RARB: variants seen among roughly 807,000 people sequenced by gnomAD.
The protein encoded by RARB is retinoic acid receptor beta.
In RARB, 17 loss-of-function variants were observed where a neutral mutation model predicts 51.9. The observed-to-expected ratio is 0.33, with a 90% confidence interval of 0.22 to 0.49. RARB has a LOEUF of 0.49. Among genes scored for constraint, RARB ranks in the 20% least tolerant of loss-of-function variants. The pLI, the probability that RARB is intolerant of heterozygous loss-of-function variation, is 0.99. For synonymous variants in RARB, 215 were observed against 195.4 expected (o/e 1.10, Z -0.84); for missense variants, 369 against 550.8 (o/e 0.67, Z 3.30).
intron 2 of RARB, among the ~76,000 whole-genome samples, chr3:24,877,346 C>CTTTTTTTTTTT (rs66976672): frequency 0.02 from 1,637 of 81,672 alleles, 264 homozygotes; most frequent in African/African-American, 0.051. Context: ...AGCAATCTTA[C>CTTTTTTTTTTT]TTTTTTTTTT....
At chr3:24,873,222 A>G (rs1468244580) in intron 2 of RARB, among the ~76,000 whole-genome samples, 1 of 152,226 alleles carries the variant, frequency 6.6e-6, no homozygotes, top group Non-Finnish European at 1.5e-5. Flanking sequence ...TCTTATGTCA[A>G]TGAATAGCTT....
chr3:25,582,943 G>A (rs1276098320), intron 5 of RARB, among the ~76,000 whole-genome samples: 1 of 152,200 alleles, frequency 6.6e-6, no homozygotes, highest in Non-Finnish European at 1.5e-5. Context: ...CACGTAGTAG[G>A]TACTTAGCCA....
At chr3:25,221,137 C>G (rs1477752281) in intron 5 of RARB, among the ~76,000 whole-genome samples, 5 of 149,070 alleles carry the variant, frequency 3.4e-5, no homozygotes, top group African/African-American at 1.3e-4. Flanking sequence ...TATAATGGAA[C>G]TAATCAAACA....
At chr3:24,966,967 A>G (rs964651857) in intron 2 of RARB, among the ~76,000 whole-genome samples, 7 of 152,142 alleles carry the variant, frequency 4.6e-5, no homozygotes, top group Non-Finnish European at 5.9e-5. Flanking sequence ...AAAGCTTTCT[A>G]TCATGGAAGT....
intron 2 of RARB, among the ~76,000 whole-genome samples, chr3:24,944,398 C>CTATGT (rs1245606769): frequency 6.6e-6 from 1 of 152,208 alleles, no homozygotes; most frequent in African/African-American, 2.4e-5. Flanking sequence ...GAGGATTCAA[C>CTATGT]TATGTATTCA....
At chr3:25,333,646 G>C (rs1472086549) in intron 5 of RARB, among the ~76,000 whole-genome samples, 1 of 152,146 alleles carries the variant, frequency 6.6e-6, no homozygotes, top group African/African-American at 2.4e-5. Context: ...AACACCAAAA[G>C]CAATGGCAAC....
intron 5 of RARB, among the ~76,000 whole-genome samples, chr3:25,420,477 A>G (rs764136678): frequency 7.2e-5 from 11 of 152,214 alleles, no homozygotes; most frequent in African/African-American, 1.4e-4. Context: ...TCCAGCCACA[A>G]CCTGATTTAT....
At chr3:25,532,006 T>G (rs1406923050) in intron 3 of RARB, among the ~76,000 whole-genome samples, 5 of 151,808 alleles carry the variant, frequency 3.3e-5, no homozygotes, top group African/African-American at 4.8e-5. Context: ...GGAGGGGAGA[T>G]TTTGAGCTGT....
chr3:25,086,253 A>G (rs956331565), intron 3 of RARB, among the ~76,000 whole-genome samples: 1 of 152,194 alleles, frequency 6.6e-6, no homozygotes, highest in African/African-American at 2.4e-5. Context: ...AGAACGTGCA[A>G]TGGGCCATCC....
chr3:25,390,909 A>T (rs953706446), intron 5 of RARB, among the ~76,000 whole-genome samples: 28 of 147,586 alleles, frequency 1.9e-4, no homozygotes, highest in African/African-American at 6.4e-4. Context: ...TTTTTGTTTT[A>T]ATTTCAATAG....
At chr3:25,277,767 A>T (rs2125414397) in intron 5 of RARB, among the ~76,000 whole-genome samples, 1 of 152,306 alleles carries the variant, frequency 6.6e-6, no homozygotes, top group Admixed American at 6.5e-5. Context: ...GTAAATTTGT[A>T]TTGAAGTATA....
At position 25,594,802 on chromosome 3, in the gene RARB, A is replaced by G. The variant is rs1426678715; in HGVS notation, c.1150+124A>G. The G allele has an allele frequency of 4.4e-6, 4 of 901,686 alleles. No individual in the cohort carries two copies. The African/African-American group carries it at 7.0e-5, about 16-fold the overall frequency. 55.9% of individuals were successfully genotyped at this position (901,686 alleles called of 1,614,324 possible). A position where few individuals can be genotyped will look rare whatever the true frequency, so the allele number is the denominator to read the frequency against. On this transcript the variant is annotated intron_variant, in intron 7 of 7. Coordinates refer to ENST00000330688, the MANE Select transcript of RARB (RefSeq NM_000965.5). ...TTTAAAGTCTTGGAACTCATTTCTC[A>G]TTGAAATCAAAAGGAAATACTATCC...
At chr3:24,928,076 T>G (rs2125391583) in intron 2 of RARB, among the ~76,000 whole-genome samples, 1 of 152,096 alleles carries the variant, frequency 6.6e-6, no homozygotes, top group East Asian at 1.9e-4. Context: ...AAAGTTAACG[T>G]TTTCTGAGAG....
intron 5 of RARB, among the ~76,000 whole-genome samples, chr3:25,293,668 C>T (rs1347209161): frequency 7.2e-6 from 1 of 139,702 alleles, no homozygotes; most frequent in African/African-American, 2.6e-5. Flanking sequence ...TCCCATTTTC[C>T]TAAAACCATC....
At chr3:25,283,286 A>G (rs1703569110) in intron 5 of RARB, among the ~76,000 whole-genome samples, 1 of 152,250 alleles carries the variant, frequency 6.6e-6, no homozygotes, top group Non-Finnish European at 1.5e-5. Flanking sequence ...GCAAAAGAGC[A>G]GAGCTGGGCT....
At chr3:25,257,857 A>T (rs538793969) in intron 5 of RARB, among the ~76,000 whole-genome samples, 153 of 152,190 alleles carry the variant, frequency 1.0e-3, no homozygotes, top group Middle Eastern at 6.8e-3. Context: ...ACCATCCGAC[A>T]TTCTCAGCCT....
intron 2 of RARB, among the ~76,000 whole-genome samples, chr3:24,888,945 C>T (rs919988659): frequency 2.0e-5 from 3 of 152,170 alleles, no homozygotes; most frequent in African/African-American, 7.2e-5. Context: ...TCTTATTTAA[C>T]TGGAAAACAG....
chr3:24,906,212 G>A (rs1013022757), intron 2 of RARB, among the ~76,000 whole-genome samples: 8 of 152,176 alleles, frequency 5.3e-5, no homozygotes, highest in African/African-American at 1.7e-4. Flanking sequence ...TAGTAGCTGG[G>A]TAGAAGTAGT....
intron 2 of RARB, among the ~76,000 whole-genome samples, chr3:24,932,987 T>G (rs1695472760): frequency 6.6e-6 from 1 of 152,140 alleles, no homozygotes; most frequent in South Asian, 2.1e-4. Context: ...GTGGGCAGAA[T>G]AAATTTATCT....
Sources: allele counts gnomAD v4.1 joint callset (sites outside exome capture counted in the v4.1 genomes callset), GRCh38; gene constraint gnomAD v4.1.1; transcripts MANE v1.5; gene names NCBI Gene and HGNC (gene_info 2026-07-23, HGNC 2026-07-21).